Variants in LPAR5 observed in about 807,000 individuals in gnomAD.
LPAR5 encodes the protein G protein-coupled receptor 92.
For missense variants in LPAR5, 544 were observed against 521.8 expected (o/e 1.04, Z -0.41); for synonymous variants, 271 against 261.6 (o/e 1.04, Z -0.35).
At position 6,621,024 on chromosome 12, in the gene LPAR5, C is replaced by T. The variant is rs1354738985; in HGVS notation, c.225G>A (p.Leu75=). The change falls in exon 2 of 2, where the codon CTG becomes CTA. Residue 75 remains leucine (L), a synonymous_variant. Coordinates refer to ENST00000329858, the MANE Select transcript of LPAR5 (RefSeq NM_020400.6). ...GTGCGTAGTAGGAGAGACGAACGGG[C>T]AGCGAGAGGGTGAAGAGCAGGTCGC... ...AASDLLFTLS[L]PVRLSYYALH... is the part of the protein sequence containing the mutation. 1.9e-6 allele frequency: 3 copies of T among 1,610,856 alleles called. No homozygotes were observed. The highest frequency in any genetic ancestry group is 2.5e-6 in the Non-Finnish European group (3 of 1,178,186).
rs1382304613 is a variant in LPAR5 at position 6,620,266 on chromosome 12, GC to G, written c.982del (p.Ala328ArgfsTer87). On this transcript the variant is annotated frameshift_variant, in exon 2 of 2. Transcript: ENST00000329858. LOFTEE classifies it low-confidence loss of function (END_TRUNC). The surrounding 1 kb of genome is among the most constrained non-coding windows in gnomAD (Gnocchi z 6.8). ...RTSATNGTRA[A>X]LAQSERSAVT... ...GGCGGACCTTTCGGATTGCGCGAGC[GC>G]CGCCCGCGTCCCGTTGGTGGCCGAG... The G allele has an allele frequency of 6.2e-7, 1 of 1,606,380 alleles. No homozygotes were observed. Among genetic ancestry groups the G allele is most frequent in the Non-Finnish European group, 8.5e-7 (1 of 1,176,450 alleles).
intron 1 of LPAR5, among the ~76,000 whole-genome samples, chr12:6,633,040 CCT>C (rs1202561350): frequency 3.9e-5 from 6 of 152,228 alleles, no homozygotes; most frequent in Non-Finnish European, 8.8e-5. Context: ...CTTCTCCCTC[CCT>C]GAGTACTCTG....
At chr12:6,625,151 C>T (rs1407954383) in intron 1 of LPAR5, among the ~76,000 whole-genome samples, 2 of 151,880 alleles carry the variant, frequency 1.3e-5, no homozygotes, top group African/African-American at 2.4e-5. Flanking sequence ...TTAGGCCGGG[C>T]GTGGTGGTTC....
chr12:6,632,520 T>C (rs1190888914), intron 1 of LPAR5, among the ~76,000 whole-genome samples: 1 of 152,138 alleles, frequency 6.6e-6, no homozygotes, highest in African/African-American at 2.4e-5. Flanking sequence ...TGCTTCTGTG[T>C]TCAGGCAGCG....
Position 6,628,631 on chromosome 12 carries a change from C to CT in LPAR5, c.-216-7168dup, listed in dbSNP as rs1179212069. Among the ~76,000 whole-genome samples the CT allele has an allele frequency of 3.8e-3, 477 of 126,054 alleles. 1 individual carries two copies. The highest frequency in any genetic ancestry group is 4.8e-3 in the Non-Finnish European group (279 of 57,856). The allele number at this position is 126,054 out of a possible 152,430, so 82.7% of individuals were successfully genotyped here. On this transcript the variant is annotated intron_variant, in intron 1 of 1. Coordinates refer to ENST00000329858, the MANE Select transcript of LPAR5 (RefSeq NM_020400.6). ...GCTCACCACCACGCCCAGCTAATTTCTTTTTTTTTTTTTTTTTTGAGATGG... is the reference window on the plus strand; with the variant it reads ...GCTCACCACCACGCCCAGCTAATTTCTTTTTTTTTTTTTTTTTTTGAGATGG...
At chr12:6,633,021 C>G (rs983309225) in intron 1 of LPAR5, among the ~76,000 whole-genome samples, 1 of 152,196 alleles carries the variant, frequency 6.6e-6, no homozygotes, top group Admixed American at 6.5e-5. Context: ...GCATCATCCT[C>G]GGCCCTGGCT....
chr12:6,631,069 TG>T (rs1251655534), intron 1 of LPAR5, among the ~76,000 whole-genome samples: 1 of 152,006 alleles, frequency 6.6e-6, no homozygotes. Context: ...GTAGGAGAGA[TG>T]CAGGAATCAA....
At chr12:6,623,732 A>G (rs1353035838) in intron 1 of LPAR5, among the ~76,000 whole-genome samples, 1 of 152,156 alleles carries the variant, frequency 6.6e-6, no homozygotes, top group Non-Finnish European at 1.5e-5. Flanking sequence ...TTTACATTCC[A>G]TTGGAGGGAG....
intron 1 of LPAR5, among the ~76,000 whole-genome samples, chr12:6,622,606 C>G (rs980354674): frequency 6.7e-6 from 1 of 149,358 alleles, no homozygotes; most frequent in Non-Finnish European, 1.5e-5. Flanking sequence ...AAAAAATTAG[C>G]CGGGCGTGGT....
At chr12:6,628,510 C>G (rs1948959644) in intron 1 of LPAR5, among the ~76,000 whole-genome samples, 1 of 150,290 alleles carries the variant, frequency 6.7e-6, no homozygotes. Flanking sequence ...ACCCAGGCTG[C>G]AGTGAAGTGG....
Position 6,622,310 on chromosome 12 carries a change from C to G in LPAR5, c.-216-846G>C, listed in dbSNP as rs540021642. 1.4e-4 allele frequency among the ~76,000 whole-genome samples: 22 copies of G among 151,778 alleles called. No individual in the cohort carries two copies. The East Asian group carries it at 4.1e-3, about 28-fold the overall frequency. On this transcript the variant is annotated intron_variant, in intron 1 of 1. Transcript: ENST00000329858. ...TGGCATAGGGGCGGGCGCCTGTAAT[C>G]CCAGCTACTCAGGGGGCTGAGACAG...
intron 1 of LPAR5, among the ~76,000 whole-genome samples, chr12:6,632,066 G>C (rs1008973307): frequency 6.6e-6 from 1 of 152,112 alleles, no homozygotes; most frequent in Non-Finnish European, 1.5e-5. Context: ...CTGCCTCCCG[G>C]ATTCACGCGA....
chr12:6,626,854 A>G (rs185669514), intron 1 of LPAR5, among the ~76,000 whole-genome samples: 2 of 152,286 alleles, frequency 1.3e-5, no homozygotes, highest in African/African-American at 4.8e-5. Context: ...AACAGTGCGC[A>G]GGTTTATCAG....
intron 1 of LPAR5, among the ~76,000 whole-genome samples, chr12:6,628,707 A>G (rs1948962380): frequency 6.8e-6 from 1 of 146,316 alleles, no homozygotes; most frequent in Admixed American, 7.1e-5. Context: ...ATCTCCGCTC[A>G]CCGCAACCTC....
In LPAR5 at chr12:6,620,663, C is replaced by T. The variant is rs747064853; in HGVS notation, c.586G>A (p.Glu196Lys). ...GRLLPLVLLAEALGFLLPLAA... is the reference protein window; with the variant it reads ...GRLLPLVLLAKALGFLLPLAA... The stretch of plus-strand genomic sequence containing the variant: ...AGGGGCAGCAGGAAGCCCAGCGCCT[C>T]GGCCAGCAGCACGAGGGGCAGCAGC... The change falls in exon 2 of 2, where the codon GAG becomes AAG. Residue 196 changes from glutamate (E) to lysine (K), a missense_variant. By Grantham distance (56) the Glu-to-Lys change is moderately conservative. Coordinates refer to ENST00000329858, the MANE Select transcript of LPAR5 (RefSeq NM_020400.6). This position sits in a 1 kb window ranked among gnomAD's most constrained non-coding sequence, Gnocchi z 6.8. 2 of 1,559,176 alleles carry T rather than the reference C, an allele frequency of 1.3e-6. No homozygotes were observed. The highest frequency in any genetic ancestry group is 1.4e-5 in the African/African-American group (1 of 73,796).
rs559664357 is a variant in LPAR5 at position 6,626,450 on chromosome 12, A to G, written c.-216-4986T>C. ...TGTATTTGGTTTTGTTCTCCTTCCA[A>G]CCACCACCATCAGCAGTTTGAGACT... On this transcript the variant is annotated intron_variant, in intron 1 of 1. Transcript: ENST00000329858. 6.7e-4 allele frequency among the ~76,000 whole-genome samples: 102 copies of G among 152,252 alleles called. 1 individual carries two copies. Among genetic ancestry groups the G allele is most frequent in the Admixed American group, 6.6e-3 (101 of 15,274 alleles).
intron 1 of LPAR5, among the ~76,000 whole-genome samples, chr12:6,627,542 G>C (rs1043207196): frequency 3.9e-5 from 6 of 152,224 alleles, no homozygotes; most frequent in Admixed American, 6.5e-5. Context: ...AGTGAGCAGA[G>C]ATCGTGCCAC....
chr12:6,629,454 C>A (rs901204491), intron 1 of LPAR5, among the ~76,000 whole-genome samples: 2 of 150,460 alleles, frequency 1.3e-5, no homozygotes, highest in Non-Finnish European at 2.9e-5. Flanking sequence ...GTGGGTGCAT[C>A]ATGAGGTCAG....
intron 1 of LPAR5, among the ~76,000 whole-genome samples, chr12:6,633,505 C>T (rs1948993801): frequency 6.6e-6 from 1 of 152,060 alleles, no homozygotes; most frequent in African/African-American, 2.4e-5. Context: ...CTCCGCCTCC[C>T]GGGTTCACGC....
Sources: allele counts gnomAD v4.1 joint callset (sites outside exome capture counted in the v4.1 genomes callset), GRCh38; gene constraint gnomAD v4.1.1; non-coding constraint Gnocchi (gnomAD v3.1); transcripts MANE v1.5; gene names NCBI Gene and HGNC (gene_info 2026-07-23, HGNC 2026-07-21).